CALN1: variants seen among roughly 807,000 people sequenced by gnomAD.
CALN1 encodes the protein calneuron 1.
A neutral mutation model predicts 30.6 loss-of-function variants in CALN1; 17 were observed. The observed-to-expected ratio is 0.56, with a 90% CI of 0.38 to 0.83. The LOEUF (loss-of-function observed/expected upper bound fraction) is 0.83, where lower values mean the gene tolerates loss of function less well. Ranked by LOEUF, CALN1 falls within the 40% of genes least tolerant of loss-of-function variation. The pLI is 0.00. For synonymous variants in CALN1, 156 were observed against 131.4 expected, an observed-to-expected ratio of 1.19 and a Z score of -1.28; for missense variants, 291 against 354.9, an observed-to-expected ratio of 0.82 and a Z score of 1.45.
chr7:72,180,869 G>A (rs890043401), intron 3 of CALN1, among the ~76,000 whole-genome samples: 5 of 151,932 alleles, frequency 3.3e-5, no homozygotes, highest in African/African-American at 1.2e-4. Context: ...AGGCCAAGAA[G>A]GGCGGATCAC....
At chr7:72,152,989 T>C (rs1457043323) in intron 3 of CALN1, among the ~76,000 whole-genome samples, 2 of 152,224 alleles carry the variant, frequency 1.3e-5, no homozygotes, top group African/African-American at 4.8e-5. Flanking sequence ...GTCCCTTTCA[T>C]GGCTGAGTAT....
chr7:72,475,297 T>A, the CALN1 span, among the ~76,000 whole-genome samples: 1 of 151,790 alleles, frequency 6.6e-6, no homozygotes, highest in Admixed American at 6.6e-5. Flanking sequence ...CTACTAAAAA[T>A]ACAAAAAATT....
At chr7:72,437,407 A>C (rs892503685) in intron 1 of CALN1, among the ~76,000 whole-genome samples, 3 of 152,126 alleles carry the variant, frequency 2.0e-5, no homozygotes, top group African/African-American at 7.2e-5. Context: ...GAGAAGCCTG[A>C]GTGGGTCAAG....
At chr7:71,806,044 C>T (rs1039249474) in intron 6 of CALN1, among the ~76,000 whole-genome samples, 1 of 152,154 alleles carries the variant, frequency 6.6e-6, no homozygotes, top group African/African-American at 2.4e-5. Flanking sequence ...AATGAGAACA[C>T]ATGTTGCGGG....
chr7:72,387,682 C>T (rs1385077793), intron 2 of CALN1, among the ~76,000 whole-genome samples: 2 of 152,184 alleles, frequency 1.3e-5, no homozygotes, highest in Non-Finnish European at 2.9e-5. Context: ...ATACCCAATA[C>T]TTTTCAAAGC....
intron 5 of CALN1, among the ~76,000 whole-genome samples, chr7:71,887,697 A>G (rs1385769886): frequency 1.3e-5 from 2 of 152,162 alleles, no homozygotes; most frequent in Non-Finnish European, 2.9e-5. Flanking sequence ...GCAAGAGGTC[A>G]TCAAGGTGTG....
intron 2 of CALN1, among the ~76,000 whole-genome samples, chr7:72,370,237 G>C (rs1396023310): frequency 6.6e-6 from 1 of 152,030 alleles, no homozygotes; most frequent in Non-Finnish European, 1.5e-5. Flanking sequence ...TATCTTCTCA[G>C]ATGCTTATTT....
At chr7:71,902,151 G>A (rs556586558) in intron 5 of CALN1, among the ~76,000 whole-genome samples, 22 of 152,170 alleles carry the variant, frequency 1.4e-4, no homozygotes, top group Non-Finnish European at 2.9e-4. Context: ...GTGAACCTGG[G>A]AGGCGGAGCT....
At chr7:71,810,276 G>C in intron 6 of CALN1, 60 bp downstream of exon 6, 1 of 1,544,502 alleles carries the variant, frequency 6.5e-7, no homozygotes, top group Non-Finnish European at 8.8e-7. Flanking sequence ...TTTTCATATA[G>C]AGAGTGTGGT....
intron 4 of CALN1, among the ~76,000 whole-genome samples, chr7:72,090,900 A>C (rs1805815114): frequency 1.3e-5 from 2 of 152,204 alleles, no homozygotes; most frequent in African/African-American, 4.8e-5. Context: ...GAAAGAGAGT[A>C]GAACGATGAT....
intron 5 of CALN1, among the ~76,000 whole-genome samples, chr7:71,985,865 C>T (rs1798645017): frequency 6.6e-6 from 1 of 152,010 alleles, no homozygotes; most frequent in Non-Finnish European, 1.5e-5. Flanking sequence ...GCTGGGATTA[C>T]AGGTGTGAGC....
chr7:72,113,518 G>A (rs1231956789), intron 3 of CALN1, among the ~76,000 whole-genome samples: 1 of 152,188 alleles, frequency 6.6e-6, no homozygotes, highest in African/African-American at 2.4e-5. Flanking sequence ...GACTATGACA[G>A]GCAATATTGC....
chr7:72,102,835 G>C (rs1584946029), intron 4 of CALN1, among the ~76,000 whole-genome samples: 1 of 152,184 alleles, frequency 6.6e-6, no homozygotes, highest in East Asian at 1.9e-4. Context: ...AGCACTTTGG[G>C]AGGCCAAGGC....
intron 2 of CALN1, among the ~76,000 whole-genome samples, chr7:72,402,867 C>T (rs751127729): frequency 6.6e-6 from 1 of 152,086 alleles, no homozygotes; most frequent in Admixed American, 6.6e-5. Context: ...TTCCTCCTGT[C>T]GAAACGAGAT....
At chr7:72,001,962 G>GA (rs1799548447) in intron 5 of CALN1, among the ~76,000 whole-genome samples, 2 of 148,100 alleles carry the variant, frequency 1.4e-5, no homozygotes, top group Non-Finnish European at 3.0e-5. Context: ...AAGTGAAACA[G>GA]AAAAAACATC....
chr7:72,374,425 A>G (rs1338297763), intron 2 of CALN1, among the ~76,000 whole-genome samples: 1 of 150,574 alleles, frequency 6.6e-6, no homozygotes, highest in Non-Finnish European at 1.5e-5. Context: ...GCTATTCAGG[A>G]GGCTGAGGAA....
chr7:71,877,380 G>A (rs2116784141), intron 5 of CALN1, among the ~76,000 whole-genome samples: 1 of 152,204 alleles, frequency 6.6e-6, no homozygotes, highest in Non-Finnish European at 1.5e-5. Context: ...ACAAAAGAGA[G>A]TATAAACATA....
chr7:71,816,030 T>C, intron 5 of CALN1, among the ~76,000 whole-genome samples: 1 of 151,090 alleles, frequency 6.6e-6, no homozygotes, highest in Non-Finnish European at 1.5e-5. Flanking sequence ...TGGCTAATTT[T>C]TTTTTTAATT....
At chr7:71,830,423 C>T (rs956657293) in intron 5 of CALN1, among the ~76,000 whole-genome samples, 1 of 152,038 alleles carries the variant, frequency 6.6e-6, no homozygotes, top group East Asian at 1.9e-4. Context: ...TCTCGGCTCA[C>T]TGCAACCTCT....
Sources: gnomAD v4.1 joint callset for allele counts (sites outside exome capture counted in the v4.1 genomes callset) on GRCh38, gnomAD v4.1.1 for gene constraint, MANE v1.5 for transcripts, NCBI Gene and HGNC (gene_info 2026-07-23, HGNC 2026-07-21) for gene names.